GLRA3: variants seen among roughly 807,000 people sequenced by gnomAD.
GLRA3 encodes glycine receptor alpha 3, also known as glycine receptor subunit alpha-3.
Under a neutral mutation model 60.4 loss-of-function variants are expected in GLRA3, and 44 were observed. The ratio of observed to expected loss-of-function variants is 0.73; its 90% confidence interval spans 0.57 to 0.94. The LOEUF (loss-of-function observed/expected upper bound fraction) is 0.94. Among genes scored for constraint, GLRA3 ranks in the 40% least tolerant of loss-of-function variants. GLRA3 has a pLI of 0.00. For missense variants in GLRA3, 508 were observed against 564.6 expected, an observed-to-expected ratio of 0.90 and a Z score of 1.02; for synonymous variants, 223 against 192.9, an observed-to-expected ratio of 1.16 and a Z score of -1.29.
intron 9 of GLRA3, among the ~76,000 whole-genome samples, chr4:174,645,349 T>C (rs554475686): frequency 4.0e-5 from 6 of 150,922 alleles, no homozygotes; most frequent in Non-Finnish European, 8.9e-5. Flanking sequence ...GAGGTGGAGA[T>C]TGTAGTGAGC....
intron 5 of GLRA3, among the ~76,000 whole-genome samples, chr4:174,707,521 C>CG (rs1327036660): frequency 7.3e-5 from 11 of 151,558 alleles, no homozygotes; most frequent in Middle Eastern, 3.4e-3. Flanking sequence ...GGCACTGTCA[C>CG]GGGGGGGAAG....
chr4:174,667,706 T>A (rs955466843), intron 7 of GLRA3, among the ~76,000 whole-genome samples: 10 of 152,112 alleles, frequency 6.6e-5, no homozygotes, highest in African/African-American at 2.4e-4. Flanking sequence ...AATAAGTTTG[T>A]TTGGACTGCA....
intron 7 of GLRA3, among the ~76,000 whole-genome samples, chr4:174,669,797 A>T (rs944985284): frequency 1.7e-4 from 26 of 152,124 alleles, no homozygotes; most frequent in African/African-American, 5.6e-4. Flanking sequence ...GCTAGCCTTG[A>T]ACTCCTGGCC....
intron 1 of GLRA3, among the ~76,000 whole-genome samples, chr4:174,825,870 G>A (rs1250667340): frequency 6.6e-6 from 1 of 152,022 alleles, no homozygotes; most frequent in African/African-American, 2.4e-5. Context: ...CTGTAGGTTT[G>A]TAAAAATATA....
intron 5 of GLRA3, among the ~76,000 whole-genome samples, chr4:174,690,855 G>A (rs1734768312): frequency 6.6e-6 from 1 of 152,064 alleles, no homozygotes. Flanking sequence ...CTTTTTTATG[G>A]CTGCATAGTA....
At chr4:174,799,277 T>C (rs1277178492) in intron 1 of GLRA3, among the ~76,000 whole-genome samples, 3 of 152,188 alleles carry the variant, frequency 2.0e-5, no homozygotes, top group Non-Finnish European at 4.4e-5. Context: ...ATATTGAAAG[T>C]AGAAGCCTAC....
At chr4:174,734,920 G>A (rs1421180121) in intron 3 of GLRA3, among the ~76,000 whole-genome samples, 1 of 152,144 alleles carries the variant, frequency 6.6e-6, no homozygotes, top group Non-Finnish European at 1.5e-5. Flanking sequence ...TTCAGTTTGT[G>A]GGCACCTCGA....
At chr4:174,658,514 C>T (rs1733299183) in intron 8 of GLRA3, among the ~76,000 whole-genome samples, 2 of 152,122 alleles carry the variant, frequency 1.3e-5, no homozygotes, top group South Asian at 2.1e-4. Context: ...AGTAGCCAGG[C>T]AACAAAAGCA....
intron 1 of GLRA3, among the ~76,000 whole-genome samples, chr4:174,790,519 T>C (rs866987217): frequency 1.7e-4 from 12 of 69,668 alleles, no homozygotes; most frequent in Admixed American, 5.3e-4. Flanking sequence ...AAAAGCATCG[T>C]TGGATTTTGT....
intron 4 of GLRA3, among the ~76,000 whole-genome samples, chr4:174,717,486 C>T (rs111795427): frequency 3.3e-5 from 5 of 152,220 alleles, no homozygotes; most frequent in African/African-American, 1.2e-4. Flanking sequence ...TTTATGTAGA[C>T]CATAGACATA....
chr4:174,760,920 C>A (rs1367856265), intron 3 of GLRA3, among the ~76,000 whole-genome samples: 2 of 151,452 alleles, frequency 1.3e-5, no homozygotes, highest in Non-Finnish European at 2.9e-5. Flanking sequence ...TGGAGTATCT[C>A]AAAAAAAACA....
intron 9 of GLRA3, among the ~76,000 whole-genome samples, chr4:174,653,414 C>T (rs1579391170): frequency 6.6e-6 from 1 of 151,742 alleles, no homozygotes; most frequent in East Asian, 1.9e-4. Flanking sequence ...TTAAAAAATA[C>T]TTTGCTGTTG....
At chr4:174,792,704 A>G (rs1219723354) in intron 1 of GLRA3, among the ~76,000 whole-genome samples, 1 of 152,236 alleles carries the variant, frequency 6.6e-6, no homozygotes, top group African/African-American at 2.4e-5. Flanking sequence ...ATGACTCTAA[A>G]TGTTTTAAAC....
chr4:174,785,804 G>C (rs954181008), intron 2 of GLRA3, among the ~76,000 whole-genome samples: 3 of 151,944 alleles, frequency 2.0e-5, no homozygotes, highest in African/African-American at 7.3e-5. Context: ...GAGTCTTACT[G>C]TGTTGCCCAG....
At position 174,685,806 on chromosome 4, in the gene GLRA3, A is replaced by G. The variant is rs544552414; in HGVS notation, c.575-2867T>C. On this transcript the variant is annotated intron_variant, in intron 5 of 9. Coordinates refer to ENST00000274093, the MANE Select transcript of GLRA3 (RefSeq NM_006529.4). ...CCAATTCTACCTTCTGCCAGATAAG[A>G]CATGTTTCTCATTCTTCCACACCTA... is the stretch of plus-strand genomic sequence containing the variant. Among the ~76,000 whole-genome samples, 67 of 152,286 alleles carry G rather than the reference A, an allele frequency of 4.4e-4. 1 individual carries two copies. In the South Asian group the frequency reaches 0.014, roughly 32 times the overall value.
chr4:174,762,295 T>C (rs1737972371), intron 3 of GLRA3, among the ~76,000 whole-genome samples: 1 of 152,128 alleles, frequency 6.6e-6, no homozygotes. Context: ...TTATGCTTCA[T>C]AGTGTGTGTA....
chr4:174,790,673 C>T (rs1166972674), intron 1 of GLRA3, among the ~76,000 whole-genome samples: 1 of 151,830 alleles, frequency 6.6e-6, no homozygotes, highest in Non-Finnish European at 1.5e-5. Context: ...ACTCTGCCTC[C>T]TTCTCTTTTA....
chr4:174,708,223 A>T (rs1735583835), intron 5 of GLRA3, among the ~76,000 whole-genome samples: 1 of 152,162 alleles, frequency 6.6e-6, no homozygotes, highest in Non-Finnish European at 1.5e-5. Flanking sequence ...AATTGCAAAA[A>T]ATCATCACCA....
At chr4:174,679,069 T>A (rs1206513839) in intron 6 of GLRA3, among the ~76,000 whole-genome samples, 1 of 152,032 alleles carries the variant, frequency 6.6e-6, no homozygotes, top group East Asian at 1.9e-4. Context: ...AAAACCACAA[T>A]AAGTGCAATC....
Sources: gnomAD v4.1 joint callset for allele counts (sites outside exome capture counted in the v4.1 genomes callset) on GRCh38, gnomAD v4.1.1 for gene constraint, MANE v1.5 for transcripts, NCBI Gene and HGNC (gene_info 2026-07-23, HGNC 2026-07-21) for gene names.